PRKG1: variants seen among roughly 807,000 people sequenced by gnomAD.
The protein encoded by PRKG1 is protein kinase cGMP-dependent 1.
In PRKG1, 35 loss-of-function variants were observed where a neutral mutation model predicts 88.1. The observed-to-expected ratio is 0.40, with a 90% confidence interval of 0.30 to 0.53. PRKG1 has a LOEUF of 0.53. Among genes scored for constraint, PRKG1 ranks in the 20% least tolerant of loss-of-function variants. The probability of loss-of-function intolerance (pLI) is 0.59; values close to 1 mark genes in which losing one functional copy is unlikely to be tolerated. For synonymous variants in PRKG1, 303 were observed against 292.5 expected, an observed-to-expected ratio of 1.04 and a Z score of -0.37; for missense variants, 540 against 839.8, an observed-to-expected ratio of 0.64 and a Z score of 4.41.
chr10:51,990,265 GTTGCCTGTAGGTATGTTCTTT>G (rs1183806197), intron 5 of PRKG1, among the ~76,000 whole-genome samples: 1 of 152,090 alleles, frequency 6.6e-6, no homozygotes, highest in African/African-American at 2.4e-5. Flanking sequence ...CAGGTACTGT[GTTGCCTGTAGGTATGTTCTTT>G]TTGCCCAAGA....
chr10:51,105,887 C>A (rs1844822038), intron 1 of PRKG1, among the ~76,000 whole-genome samples: 1 of 152,196 alleles, frequency 6.6e-6, no homozygotes, highest in South Asian at 2.1e-4. Context: ...ACCTGGAAGA[C>A]AAATTAGAGC....
intron 4 of PRKG1, among the ~76,000 whole-genome samples, chr10:51,860,059 C>T (rs1937712): frequency 0.24 from 36,414 of 151,970 alleles, 5,301 homozygotes; most frequent in Non-Finnish European, 0.33. Context: ...GTAAAAGTTG[C>T]GGCAGACATA....
intron 3 of PRKG1, among the ~76,000 whole-genome samples, chr10:51,610,297 C>A (rs1282771326): frequency 6.6e-6 from 1 of 152,112 alleles, no homozygotes; most frequent in East Asian, 1.9e-4. Flanking sequence ...CACTCATACA[C>A]CCTTTCCAGT....
chr10:52,136,402 T>C (rs1330297343), intron 8 of PRKG1, among the ~76,000 whole-genome samples: 1 of 152,010 alleles, frequency 6.6e-6, no homozygotes, highest in Non-Finnish European at 1.5e-5. Context: ...TGTGGGAACT[T>C]AGATGGAGTT....
intron 4 of PRKG1, among the ~76,000 whole-genome samples, chr10:51,856,922 C>T (rs562015378): frequency 3.3e-5 from 5 of 150,310 alleles, no homozygotes; most frequent in Non-Finnish European, 5.9e-5. Context: ...TGAGATTGCG[C>T]CACTGCACTC....
At chr10:51,278,187 C>G (rs1291583324) in intron 2 of PRKG1, among the ~76,000 whole-genome samples, 2 of 152,088 alleles carry the variant, frequency 1.3e-5, no homozygotes, top group Admixed American at 1.3e-4. Flanking sequence ...TTGTCAAAGG[C>G]CTTTTCTGCA....
At chr10:51,571,330 T>A (rs956708078) in intron 3 of PRKG1, among the ~76,000 whole-genome samples, 9 of 151,890 alleles carry the variant, frequency 5.9e-5, no homozygotes, top group Non-Finnish European at 1.0e-4. Context: ...CTGAAAGGTG[T>A]GTTACTGTCT....
At chr10:51,198,156 G>T (rs1426997113) in intron 2 of PRKG1, among the ~76,000 whole-genome samples, 4 of 152,110 alleles carry the variant, frequency 2.6e-5, no homozygotes, top group Non-Finnish European at 5.9e-5. Context: ...GATAGTTGGG[G>T]TACTGGTGAT....
chr10:52,020,968 T>C (rs1286185693), intron 5 of PRKG1, among the ~76,000 whole-genome samples: 3 of 152,130 alleles, frequency 2.0e-5, no homozygotes, highest in African/African-American at 4.8e-5. Context: ...ATTTATCACT[T>C]TTAGAGAGGC....
intron 1 of PRKG1, among the ~76,000 whole-genome samples, chr10:51,042,486 T>C (rs962032503): frequency 2.0e-5 from 3 of 152,228 alleles, no homozygotes; most frequent in African/African-American, 7.2e-5. Flanking sequence ...GAATGAGCCA[T>C]ACTGTCGTAT....
intron 3 of PRKG1, among the ~76,000 whole-genome samples, chr10:51,591,871 T>C (rs138451543): frequency 6.6e-6 from 1 of 152,318 alleles, no homozygotes; most frequent in East Asian, 1.9e-4. Context: ...TTGCATTGCA[T>C]TGGGTCAGGT....
intron 3 of PRKG1, among the ~76,000 whole-genome samples, chr10:51,649,057 G>C (rs1048630879): frequency 2.6e-5 from 4 of 152,118 alleles, no homozygotes; most frequent in Non-Finnish European, 5.9e-5. Flanking sequence ...AATGCCTAAA[G>C]TATCTATAGA....
intron 3 of PRKG1, among the ~76,000 whole-genome samples, chr10:51,762,047 G>A (rs1838034122): frequency 6.6e-6 from 1 of 152,088 alleles, no homozygotes; most frequent in Non-Finnish European, 1.5e-5. Context: ...TTTTAAAAAG[G>A]ATTTTTACAT....
chr10:51,062,992 G>A (rs893203773), intron 1 of PRKG1: 1 of 152,150 alleles, frequency 6.6e-6, no homozygotes, highest in Non-Finnish European at 1.5e-5. Flanking sequence ...TTAGCTCATA[G>A]TGGTATTTCA....
chr10:51,227,925 G>A (rs1048161706), intron 2 of PRKG1, among the ~76,000 whole-genome samples: 35 of 152,070 alleles, frequency 2.3e-4, no homozygotes, highest in Admixed American at 1.0e-3. Context: ...TAATCTCATG[G>A]ACATCTCTAG....
At chr10:52,040,457 T>A (rs1329860923) in intron 5 of PRKG1, among the ~76,000 whole-genome samples, 3 of 152,254 alleles carry the variant, frequency 2.0e-5, no homozygotes, top group Admixed American at 2.0e-4. Context: ...TGGAGTAGAA[T>A]GCTTGCTGGT....
At chr10:51,449,278 C>G (rs116773695) in intron 2 of PRKG1, among the ~76,000 whole-genome samples, 1 of 151,750 alleles carries the variant, frequency 6.6e-6, no homozygotes. Context: ...CAGTTCCTTT[C>G]GTGTTTACTC....
chr10:51,687,588 T>G (rs959948324), intron 3 of PRKG1, among the ~76,000 whole-genome samples: 1 of 152,216 alleles, frequency 6.6e-6, no homozygotes, highest in Non-Finnish European at 1.5e-5. Context: ...TTAGCATTCC[T>G]ATCTGGATAG....
chr10:51,256,803 G>A (rs1047719485), intron 2 of PRKG1, among the ~76,000 whole-genome samples: 1 of 152,076 alleles, frequency 6.6e-6, no homozygotes, highest in Non-Finnish European at 1.5e-5. Flanking sequence ...GAGGGAGATG[G>A]TAGAGACTGT....
Sources: gnomAD v4.1 joint callset for allele counts (sites outside exome capture counted in the v4.1 genomes callset) on GRCh38, gnomAD v4.1.1 for gene constraint, MANE v1.5 for transcripts, NCBI Gene and HGNC (gene_info 2026-07-23, HGNC 2026-07-21) for gene names.